Variants in INSIG2 observed in about 807,000 individuals in gnomAD.
INSIG2 encodes the protein insulin-induced gene 2 protein.
In INSIG2, 10 loss-of-function variants were observed where a neutral mutation model predicts 27.2. The observed-to-expected ratio is 0.37, with a 90% CI of 0.23 to 0.62. The LOEUF is 0.62. Ranked by LOEUF, INSIG2 falls within the 20% of genes least tolerant of loss-of-function variation. INSIG2 has a pLI of 0.65. For synonymous variants in INSIG2, 97 were observed against 95.8 expected (o/e 1.01, Z -0.07); for missense variants, 178 against 270.2 (o/e 0.66, Z 2.39).
rs568055123 is a variant in INSIG2, at chr2:118,096,786, G to A, written c.230G>A (p.Cys77Tyr). 1.2e-6 allele frequency: 2 copies of A among 1,613,072 alleles called. No individual in the cohort carries two copies. The highest frequency in any genetic ancestry group is 1.7e-6 in the Non-Finnish European group (2 of 1,180,002). The change falls in exon 2 of 6, where the codon TGT becomes TAT. Residue 77 changes from cysteine to tyrosine, a missense_variant. Transcript: ENST00000245787. ...FSSAWWVPPC[C>Y]GTASAVIGLL... ...TCTGCATGGTGGGTACCCCCATGCT[G>A]TGGCACGGCTTCAGGTATGTGTAGG...
chr2:118,103,028 G>A (rs140713311), intron 2 of INSIG2, among the ~76,000 whole-genome samples, 169 bp from the exon 3 acceptor site: 1 of 150,522 alleles, frequency 6.6e-6, no homozygotes, highest in East Asian at 2.0e-4. Flanking sequence ...CATTTCCTTT[G>A]GAAGGTAAGT....
At chr2:118,104,641 G>T (rs927994475) in intron 3 of INSIG2, among the ~76,000 whole-genome samples, 4 of 152,140 alleles carry the variant, frequency 2.6e-5, no homozygotes, top group African/African-American at 9.7e-5. Flanking sequence ...AGCTAAAGAG[G>T]TTAGGTAATT....
At chr2:118,090,304 T>G (rs1300507701) in intron 1 of INSIG2, among the ~76,000 whole-genome samples, 1 of 152,154 alleles carries the variant, frequency 6.6e-6, no homozygotes, top group Non-Finnish European at 1.5e-5. Context: ...TCATTTGGTT[T>G]TAGGGGGTGT....
intron 5 of INSIG2, 134 bp from the exon 6 acceptor site, chr2:118,108,147 C>G (rs1678720592): frequency 1.7e-6 from 1 of 579,992 alleles, no homozygotes. Flanking sequence ...AATTATGTAA[C>G]TCTTGGATTA....
chr2:118,107,682 G>A (rs1173241085), intron 5 of INSIG2, among the ~76,000 whole-genome samples: 1 of 152,180 alleles, frequency 6.6e-6, no homozygotes, highest in African/African-American at 2.4e-5. Context: ...TTTTAGCCAG[G>A]TTAGGAGAAT....
intron 3 of INSIG2, among the ~76,000 whole-genome samples, chr2:118,105,984 A>G (rs1290055737): frequency 6.6e-6 from 1 of 152,222 alleles, no homozygotes; most frequent in Non-Finnish European, 1.5e-5. Context: ...ATTTTGGTGT[A>G]GAAAAGGGCC....
In INSIG2 at chr2:118,110,332, C is replaced by G. The variant is rs1400676534; in HGVS notation, c.*2010C>G. The G allele has an allele frequency of 1.3e-5, 2 of 152,106 alleles. No homozygotes were observed. The highest frequency in any genetic ancestry group is 2.9e-5 in the Non-Finnish European group (2 of 68,026). 9.4% of individuals were successfully genotyped at this position (152,106 alleles called of 1,614,324 possible). A position where few individuals can be genotyped will look rare whatever the true frequency, so the allele number is the denominator to read the frequency against. On this transcript the variant is annotated 3_prime_UTR_variant, in exon 6 of 6. Coordinates refer to ENST00000245787, the MANE Select transcript of INSIG2 (RefSeq NM_016133.4). Reference sequence around the variant, plus strand: ...ATATGTATTATATACTGTTTTCTTACAATAGTGTAAGCTAAGGAAAAGAAA... The same window carrying G: ...ATATGTATTATATACTGTTTTCTTAGAATAGTGTAAGCTAAGGAAAAGAAA...
rs188309194 is a variant in INSIG2, at chr2:118,090,848, G to A, written c.-139+2307G>A. On this transcript the variant is annotated intron_variant, in intron 1 of 5. Transcript: ENST00000245787. ...GTGAGCCTAGTCCTGGTGCTACCTG[G>A]TAACAGTTCTGTGATCTTGGAAAGT... Among the ~76,000 whole-genome samples the A allele has an allele frequency of 3.8e-3, 576 of 152,266 alleles. 3 individuals carry two copies. The highest frequency in any genetic ancestry group is 0.013 in the African/African-American group (546 of 41,540).
At chr2:118,103,374 C>A in intron 3 of INSIG2, 53 bp downstream of exon 3, 1 of 1,534,754 alleles carries the variant, frequency 6.5e-7, no homozygotes, top group Non-Finnish European at 8.9e-7. Context: ...TTCCAACAAA[C>A]CAAAGGTTAA....
intron 2 of INSIG2, among the ~76,000 whole-genome samples, chr2:118,099,048 T>C (rs1192141622): frequency 1.3e-5 from 2 of 152,220 alleles, no homozygotes; most frequent in Non-Finnish European, 2.9e-5. Context: ...ATGGATTCTC[T>C]CAAAATCTCT....
chr2:118,091,285 G>A (rs1678219616), intron 1 of INSIG2, among the ~76,000 whole-genome samples: 1 of 152,190 alleles, frequency 6.6e-6, no homozygotes, highest in Non-Finnish European at 1.5e-5. Flanking sequence ...GGTAGGGGGT[G>A]AAATGGTTTT....
intron 2 of INSIG2, among the ~76,000 whole-genome samples, chr2:118,101,519 A>G (rs1678544226): frequency 6.6e-6 from 1 of 152,120 alleles, no homozygotes; most frequent in Non-Finnish European, 1.5e-5. Context: ...ATTGACTTGG[A>G]ATGTCTGCTC....
intron 1 of INSIG2, among the ~76,000 whole-genome samples, chr2:118,091,398 C>T (rs1678222134): frequency 6.6e-6 from 1 of 152,064 alleles, no homozygotes; most frequent in Non-Finnish European, 1.5e-5. Flanking sequence ...CTTGTTAATC[C>T]AGTTGACTAC....
rs1321095280 is a variant in INSIG2, at chr2:118,107,034, T to C, written c.537-56T>C. On this transcript the variant is annotated intron_variant, in intron 4 of 5. Transcript: ENST00000245787. The stretch of plus-strand genomic sequence containing the variant: ...GAGTAGTTTATTTTCATTGTAATTA[T>C]CTTAAGTGTCATTGCAGTTCCTCTG... The C allele has an allele frequency of 2.1e-6, 3 of 1,455,518 alleles. No homozygotes were observed. In the Admixed American group the frequency reaches 5.1e-5, roughly 25 times the overall value. 90.2% of individuals were successfully genotyped at this position (1,455,518 alleles called of 1,614,324 possible).
rs1319203401 is a variant in INSIG2 at position 118,094,101 on chromosome 2, TGATGAGGAG to T, written c.-138-2315_-138-2307del. 2.8e-3 allele frequency among the ~76,000 whole-genome samples: 127 copies of T among 45,132 alleles called. 6 individuals carry two copies. The highest frequency in any genetic ancestry group is 8.4e-3 in the African/African-American group (122 of 14,462). The allele number at this position is 45,132 out of a possible 152,430, so 29.6% of individuals were successfully genotyped here. On this transcript the variant is annotated intron_variant, in intron 1 of 5. Coordinates refer to ENST00000245787, the MANE Select transcript of INSIG2 (RefSeq NM_016133.4). ...GCTGAAAGCAACCAGATGATGATGATGATGAGGAGGAGGAGGAGGAGGAGGAGAGTTCTG... is the reference window on the plus strand; with the variant it reads ...GCTGAAAGCAACCAGATGATGATGATGAGGAGGAGGAGGAGGAGAGTTCTG...
At chr2:118,093,938 TGATGAG>T (rs370456598) in intron 1 of INSIG2, among the ~76,000 whole-genome samples, 2,201 of 20,056 alleles carry the variant, frequency 0.11, 682 homozygotes, top group Non-Finnish European at 0.13. Context: ...ATGATGATGA[TGATGAG>T]GAGGAGGAGG....
rs1273354929 is a variant in INSIG2, at chr2:118,109,780, A to C, written c.*1458A>C. The C allele has an allele frequency of 6.6e-6, 1 of 152,136 alleles. No individual in the cohort carries two copies. Among genetic ancestry groups the C allele is most frequent in the African/African-American group, 2.4e-5 (1 of 41,248 alleles). The allele number at this position is 152,136 out of a possible 1,614,324, so 9.4% of individuals were successfully genotyped here. A position where few individuals can be genotyped will look rare whatever the true frequency, so the allele number is the denominator to read the frequency against. On this transcript the variant is annotated 3_prime_UTR_variant, in exon 6 of 6. Coordinates refer to ENST00000245787, the MANE Select transcript of INSIG2 (RefSeq NM_016133.4). ...TATGTTTTCAGGCTGAAGGTGTGAA[A>C]ATCCTAAGAGGATTTCATATTGAAT...
chr2:118,097,445 G>C (rs987591280), intron 2 of INSIG2, among the ~76,000 whole-genome samples: 2 of 152,176 alleles, frequency 1.3e-5, no homozygotes, highest in Admixed American at 1.3e-4. Flanking sequence ...TTGGTATCTT[G>C]TTTTTATAAG....
chr2:118,090,086 T>A (rs977204645), intron 1 of INSIG2, among the ~76,000 whole-genome samples: 6 of 152,226 alleles, frequency 3.9e-5, no homozygotes, highest in African/African-American at 7.2e-5. Context: ...TTGCATTGAT[T>A]TAAGTCTGTT....
Sources: gnomAD v4.1 joint callset for allele counts (sites outside exome capture counted in the v4.1 genomes callset) on GRCh38, gnomAD v4.1.1 for gene constraint, MANE v1.5 for transcripts, NCBI Gene and HGNC (gene_info 2026-07-23, HGNC 2026-07-21) for gene names.